The following FARP1 variants were observed in gnomAD, a reference collection of about 807,000 sequenced individuals.
FARP1 encodes FERM, ARH/RhoGEF and pleckstrin domain protein 1, also known as FERM, ARHGEF and pleckstrin domain-containing protein 1.
Under a neutral mutation model 128.8 loss-of-function variants are expected in FARP1, and 52 were observed. The observed-to-expected ratio is 0.40, with a 90% CI of 0.32 to 0.51. The LOEUF (loss-of-function observed/expected upper bound fraction) is 0.51. FARP1 is among the 20% of genes least tolerant of loss of function. The probability of loss-of-function intolerance (pLI) is 0.45; values close to 1 mark genes in which losing one functional copy is unlikely to be tolerated. For synonymous variants in FARP1, 580 were observed against 551.8 expected (o/e 1.05, Z -0.72); for missense variants, 1,333 against 1,367.9 (o/e 0.97, Z 0.40).
intron 2 of FARP1, among the ~76,000 whole-genome samples, chr13:98,294,162 C>T (rs1238729525): frequency 6.6e-6 from 1 of 152,190 alleles, no homozygotes; most frequent in African/African-American, 2.4e-5. Context: ...GCTTCCCTTA[C>T]TCTCATTTGA....
chr13:98,207,443 G>C lies in FARP1; in HGVS notation c.-23-5777G>C, dbSNP rs548224867. 8.5e-5 allele frequency among the ~76,000 whole-genome samples: 13 copies of C among 152,170 alleles called. No homozygotes were observed. The South Asian group carries it at 2.7e-3, about 32-fold the overall frequency. Reference sequence around the variant, plus strand: ...CAGAGGATGAGGAGTCTTGCTTTTTGCTTAGGTAGGACAAGGAGAAGATAT... The same window carrying C: ...CAGAGGATGAGGAGTCTTGCTTTTTCCTTAGGTAGGACAAGGAGAAGATAT... On this transcript the variant is annotated intron_variant, in intron 1 of 26. Coordinates refer to ENST00000319562, the MANE Select transcript of FARP1 (RefSeq NM_005766.4).
chr13:98,176,149 G>C lies in FARP1; in HGVS notation c.-24+32657G>C. ...GCTGCTTCTCCCCAGTGTACATACA[G>C]ACTTGAGTCTTTCTTATCTCTTTTT... On this transcript the variant is annotated intron_variant, in intron 1 of 26. Transcript: ENST00000319562. This position sits in a 1 kb window ranked among gnomAD's most constrained non-coding sequence, Gnocchi z 6.2. 1 of 1,604,828 alleles carries C rather than the reference G, an allele frequency of 6.2e-7. No homozygotes were observed.
chr13:98,242,721 A>C (rs1754387324), intron 2 of FARP1, among the ~76,000 whole-genome samples: 1 of 152,246 alleles, frequency 6.6e-6, no homozygotes, highest in Admixed American at 6.5e-5. Context: ...ATGTAAGGCT[A>C]TGGAAAAACA....
chr13:98,237,760 A>G (rs1882510897), intron 2 of FARP1, among the ~76,000 whole-genome samples: 1 of 152,236 alleles, frequency 6.6e-6, no homozygotes, highest in African/African-American at 2.4e-5. Context: ...GATATGTAGC[A>G]TAGATTGAGG....
intron 1 of FARP1, among the ~76,000 whole-genome samples, chr13:98,199,980 A>G (rs1353126178): frequency 6.6e-6 from 1 of 152,046 alleles, no homozygotes; most frequent in Non-Finnish European, 1.5e-5. Context: ...TCTTCTGGTA[A>G]TTTTCACCTC....
intron 1 of FARP1, among the ~76,000 whole-genome samples, chr13:98,188,727 G>A (rs559481342): frequency 1.2e-4 from 18 of 152,236 alleles, no homozygotes; most frequent in African/African-American, 3.1e-4. Flanking sequence ...TGGAGTCTGC[G>A]GTGTCCACAC....
intron 1 of FARP1, among the ~76,000 whole-genome samples, chr13:98,202,002 A>G (rs1358387516): frequency 6.6e-6 from 1 of 152,256 alleles, no homozygotes; most frequent in Non-Finnish European, 1.5e-5. Flanking sequence ...TTTTGCTCAC[A>G]GACTTTTTGG....
chr13:98,312,426 A>G (rs1406230939), intron 2 of FARP1, among the ~76,000 whole-genome samples: 3 of 152,160 alleles, frequency 2.0e-5, no homozygotes, highest in African/African-American at 4.8e-5. Context: ...GGCGTGAGAC[A>G]CTGCGCCCAG....
intron 2 of FARP1, chr13:98,233,707 G>A (rs1882271327): frequency 6.6e-6 from 1 of 152,152 alleles, no homozygotes; most frequent in Non-Finnish European, 1.5e-5. Context: ...AGTTCCTAAG[G>A]AGCATTTTCA....
At chr13:98,423,306 C>A (rs755743702) in intron 16 of FARP1, among the ~76,000 whole-genome samples, 4 of 152,164 alleles carry the variant, frequency 2.6e-5, no homozygotes, top group Admixed American at 2.0e-4. Context: ...TCGATATTAA[C>A]CATCATAGGG....
chr13:98,233,241 A>T lies in FARP1; in HGVS notation c.171+19828A>T, dbSNP rs1594301726. 2.0e-5 allele frequency among the ~76,000 whole-genome samples: 3 copies of T among 152,366 alleles called. No homozygotes were observed. In the East Asian group the frequency reaches 5.8e-4, roughly 29 times the overall value. On this transcript the variant is annotated intron_variant, in intron 2 of 26. Coordinates refer to ENST00000319562, the MANE Select transcript of FARP1 (RefSeq NM_005766.4). ...TCTCCTGAGTTCAGAACTAATTAAG[A>T]AAGAGGCATGATATCCATGGCTAGT...
chr13:98,322,479 A>C (rs1887038353), intron 2 of FARP1, among the ~76,000 whole-genome samples: 1 of 152,126 alleles, frequency 6.6e-6, no homozygotes, highest in Non-Finnish European at 1.5e-5. Flanking sequence ...GAGCACTGGG[A>C]TTTGGACTGC....
intron 5 of FARP1, among the ~76,000 whole-genome samples, chr13:98,372,598 G>T (rs1889399075): frequency 6.6e-6 from 1 of 152,200 alleles, no homozygotes; most frequent in South Asian, 2.1e-4. Flanking sequence ...GACTGCAGGA[G>T]AATTCTAAAT....
intron 16 of FARP1, among the ~76,000 whole-genome samples, chr13:98,422,824 C>T (rs1050217966): frequency 5.3e-5 from 8 of 152,154 alleles, no homozygotes; most frequent in Middle Eastern, 3.2e-3. Flanking sequence ...CCATTTCTCG[C>T]GTTGCCGGAG....
chr13:98,410,004 A>G (rs1410908510), intron 14 of FARP1, among the ~76,000 whole-genome samples: 1 of 152,222 alleles, frequency 6.6e-6, no homozygotes, highest in Non-Finnish European at 1.5e-5. Flanking sequence ...TTCTTCTGTT[A>G]ATGGACAGTC....
intron 2 of FARP1, among the ~76,000 whole-genome samples, chr13:98,320,078 C>CT (rs974352805): frequency 6.6e-6 from 1 of 152,180 alleles, no homozygotes; most frequent in Admixed American, 6.5e-5. Context: ...GACACCCTGT[C>CT]TGTTTTCCTC....
intron 1 of FARP1, among the ~76,000 whole-genome samples, chr13:98,184,216 C>T (rs1181698854): frequency 6.6e-6 from 1 of 151,810 alleles, no homozygotes; most frequent in Non-Finnish European, 1.5e-5. Context: ...CTTCTGGGTT[C>T]AAGCGATTCT....
chr13:98,407,059 C>G (rs769793390), intron 13 of FARP1: 3 of 152,688 alleles, frequency 2.0e-5, no homozygotes, highest in African/African-American at 7.2e-5. Flanking sequence ...ACCTTTTATT[C>G]TCGGCTCCAA....
At chr13:98,447,085 G>A (rs1470294212) in intron 26 of FARP1, 4 of 404,764 alleles carry the variant, frequency 9.9e-6, no homozygotes, top group Non-Finnish European at 1.8e-5. Flanking sequence ...TAACGTGTCC[G>A]GGATGATGAA....
Sources: allele counts gnomAD v4.1 joint callset (sites outside exome capture counted in the v4.1 genomes callset), GRCh38; gene constraint gnomAD v4.1.1; non-coding constraint Gnocchi (gnomAD v3.1); transcripts MANE v1.5; gene names NCBI Gene and HGNC (gene_info 2026-07-23, HGNC 2026-07-21).